Variants in MASP2 observed in about 807,000 individuals in gnomAD.
MASP2 encodes mannan-binding lectin serine protease 2.
MASP2 carries 49 observed loss-of-function variants against 57.1 expected under a neutral mutation model. That is an observed-to-expected ratio of 0.86 (90% CI 0.68 to 1.09). MASP2 has a LOEUF of 1.09. Among genes scored for constraint, MASP2 ranks in the 50% least tolerant of loss-of-function variants. The probability of loss-of-function intolerance (pLI) is 0.00; values close to 1 mark genes in which losing one functional copy is unlikely to be tolerated. For synonymous variants in MASP2, 379 were observed against 340.8 expected (o/e 1.11, Z -1.24); for missense variants, 900 against 874.8 (o/e 1.03, Z -0.36).
At chr1:11,031,325 C>T (rs1280779666) in intron 8 of MASP2, among the ~76,000 whole-genome samples, 1 of 151,576 alleles carries the variant, frequency 6.6e-6, no homozygotes, top group Non-Finnish European at 1.5e-5. Flanking sequence ...AGATGGAGAC[C>T]ATCCTGGCTA....
chr1:11,032,280 A>G (rs943880066), intron 8 of MASP2, among the ~76,000 whole-genome samples: 1 of 152,154 alleles, frequency 6.6e-6, no homozygotes, highest in Non-Finnish European at 1.5e-5. Flanking sequence ...TTGCTCACAC[A>G]TGTGAATTGT....
chr1:11,026,915 G>A lies in MASP2; in HGVS notation c.2031C>T (p.Pro677=), dbSNP rs1381182785. The change falls in exon 11 of 11, where the codon CCC becomes CCT. Residue 677 remains proline, a synonymous_variant. Transcript: ENST00000400897. Reference sequence around the variant, plus strand: ...AATCACTAATTATGTTCTCGATCCAGGGAATATAGTTAATAACTTTTGTGT... The same window carrying A: ...AATCACTAATTATGTTCTCGATCCAAGGAATATAGTTAATAACTTTTGTGT... ...GVYTKVINYI[P]WIENIISDF is the part of the protein sequence containing the mutation. 2.7e-6 allele frequency: 4 copies of A among 1,496,690 alleles called. No individual in the cohort carries two copies. In the African/African-American group the frequency reaches 5.6e-5, roughly 21 times the overall value. 92.7% of individuals were successfully genotyped at this position (1,496,690 alleles called of 1,614,324 possible). A position where few individuals can be genotyped will look rare whatever the true frequency, so the allele number is the denominator to read the frequency against.
chr1:11,028,072 A>G (rs948888283), intron 10 of MASP2, among the ~76,000 whole-genome samples: 3 of 152,106 alleles, frequency 2.0e-5, no homozygotes, highest in African/African-American at 7.2e-5. Flanking sequence ...ATACACAAAA[A>G]TTAGCCGGGC....
intron 8 of MASP2, among the ~76,000 whole-genome samples, chr1:11,033,965 ACTCTCT>A (rs796583650): frequency 8.3e-3 from 128 of 15,468 alleles, no homozygotes; most frequent in African/African-American, 0.02. Context: ...ACACACACAC[ACTCTCT>A]CTCTCTCTCT....
rs751612934 is a variant in MASP2, at chr1:11,030,839, C to T, written c.1131G>A (p.Val377=). The T allele has an allele frequency of 2.3e-5, 37 of 1,613,814 alleles. No individual in the cohort carries two copies. The highest frequency in any genetic ancestry group is 5.3e-5 in the African/African-American group (4 of 74,900). The change falls in exon 9 of 11, where the codon GTG becomes GTA. Residue 377 remains valine (V), a synonymous_variant. Transcript: ENST00000400897. ...TCACTCCAGGACCTGTGATGTACTCCACTCGGCCACTGGGTAGATCATCAG... is the reference window on the plus strand; with the variant it reads ...TCACTCCAGGACCTGTGATGTACTCTACTCGGCCACTGGGTAGATCATCAG... ...GPPDDLPSGR[V]EYITGPGVTT... is the part of the protein sequence containing the mutation.
chr1:11,034,468 C>T (rs1255763881), intron 8 of MASP2, among the ~76,000 whole-genome samples: 2 of 149,164 alleles, frequency 1.3e-5, no homozygotes, highest in Non-Finnish European at 3.0e-5. Context: ...GAGGCTGAGA[C>T]CGGTGGATCA....
chr1:11,037,517 C>A (rs1275625636), intron 7 of MASP2, among the ~76,000 whole-genome samples, 176 bp downstream of exon 7: 1 of 152,160 alleles, frequency 6.6e-6, no homozygotes, highest in Non-Finnish European at 1.5e-5. Context: ...TTTTCCATAG[C>A]CATCCTTTTT....
At chr1:11,045,248 G>A (rs751140377) in intron 4 of MASP2, 160 bp downstream of exon 4, 1 of 1,063,922 alleles carries the variant, frequency 9.4e-7, no homozygotes, top group East Asian at 2.5e-5. Flanking sequence ...TGCTGAGAGG[G>A]GAAGCAGGGC....
intron 5 of MASP2, 39 bp downstream of exon 5, chr1:11,043,300 G>A (rs1358137352): frequency 5.8e-6 from 9 of 1,550,960 alleles, no homozygotes; most frequent in South Asian, 1.2e-5. Flanking sequence ...GGGCTGAGGG[G>A]GAGGATCTGG....
intron 10 of MASP2, 113 bp from the exon 11 acceptor site, chr1:11,027,761 A>C (rs887865586): frequency 1.9e-5 from 22 of 1,151,130 alleles, no homozygotes; most frequent in Non-Finnish European, 2.5e-5. Flanking sequence ...ATTATATTAC[A>C]TGAATTGGTG....
chr1:11,043,512 T>A lies in MASP2; in HGVS notation c.568A>T (p.Thr190Ser), dbSNP rs754479594. Residue 190 changes from threonine to serine, a missense_variant, in exon 5 of 11, where the codon ACC becomes TCC. Physicochemically the swap from Thr to Ser is moderately conservative, Grantham distance 58. Transcript: ENST00000400897. ...CSALCSGQVF[T>S]QRSGELSSPE... ...CTGCTGAGCTCCCCAGACCTCTGGG[T>A]GAAGACCTGGCCGGAGCACAGGGCT... 1 of 1,604,250 alleles carries A rather than the reference T, an allele frequency of 6.2e-7. No individual in the cohort carries two copies.
At chr1:11,036,800 A>G (rs1015690131) in intron 7 of MASP2, among the ~76,000 whole-genome samples, 1 of 152,056 alleles carries the variant, frequency 6.6e-6, no homozygotes, top group Non-Finnish European at 1.5e-5. Flanking sequence ...AGCATTTTTT[A>G]AAATTATACT....
chr1:11,042,939 G>T lies in MASP2; in HGVS notation c.825C>A (p.Thr275=). 6.2e-7 allele frequency: 1 copy of T among 1,613,926 alleles called. No homozygotes were observed. The highest frequency in any genetic ancestry group is 1.7e-4 in the Middle Eastern group (1 of 6,060). ...HRIETKSNTV[T]ITFVTDESGD... ...CTGATTCATCTGTGACAAAGGTGAT[G>T]GTCACCGTGTTGCTTTTTGTTTCAA... Residue 275 remains threonine, a synonymous_variant, in exon 6 of 11, where the codon ACC becomes ACA. Coordinates refer to ENST00000400897, the MANE Select transcript of MASP2 (RefSeq NM_006610.4).
rs886045056 is a variant in MASP2, at chr1:11,047,044, G to A, written c.81C>T (p.Phe27=). 1.9e-5 allele frequency: 30 copies of A among 1,550,994 alleles called. No individual in the cohort carries two copies. The highest frequency in any genetic ancestry group is 4.9e-5 in the East Asian group (2 of 40,982). ...PLGPKWPEPV[F]GRLASPGFPG... ...GAAAGCCGGGGGATGCCAGGCGCCC[G>A]AACACAGGTTCAGGCCACTTCGGGC... Residue 27 remains phenylalanine (F), a synonymous_variant, in exon 2 of 11, where the codon TTC becomes TTT. Coordinates refer to ENST00000400897, the MANE Select transcript of MASP2 (RefSeq NM_006610.4).
intron 10 of MASP2, among the ~76,000 whole-genome samples, chr1:11,028,247 A>G (rs12031620): frequency 6.6e-6 from 1 of 152,132 alleles, no homozygotes; most frequent in African/African-American, 2.4e-5. Flanking sequence ...GAAAATTAAC[A>G]GGGCAAGCAG....
intron 8 of MASP2, among the ~76,000 whole-genome samples, chr1:11,033,281 T>C (rs947293080): frequency 1.3e-4 from 19 of 150,244 alleles, no homozygotes; most frequent in Non-Finnish European, 3.0e-5. Flanking sequence ...TGAGCCAAGA[T>C]CACGCCATTG....
chr1:11,043,984 G>T (rs536325852), intron 4 of MASP2, among the ~76,000 whole-genome samples: 1 of 152,056 alleles, frequency 6.6e-6, no homozygotes, highest in Admixed American at 6.5e-5. Flanking sequence ...CTGGGAATTC[G>T]GGAAAAGAGA....
rs573639567 is a variant in MASP2 at position 11,030,537 on chromosome 1, T to C, written c.1222+211A>G. ...AAACCATTTGGAATACATTGTGTGT[T>C]TGTAGTAGTCATTTACTAGATCTGT... is the stretch of plus-strand genomic sequence containing the variant. On this transcript the variant is annotated intron_variant, in intron 9 of 10. Coordinates refer to ENST00000400897, the MANE Select transcript of MASP2 (RefSeq NM_006610.4). 4 of 585,610 alleles carry C rather than the reference T, an allele frequency of 6.8e-6. No individual in the cohort carries two copies. In the Admixed American group the frequency reaches 1.4e-4, roughly 20 times the overall value. 36.3% of individuals were successfully genotyped at this position (585,610 alleles called of 1,614,324 possible). A position where few individuals can be genotyped will look rare whatever the true frequency, so the allele number is the denominator to read the frequency against.
chr1:11,030,504 G>C, intron 9 of MASP2: 2 of 573,418 alleles, frequency 3.5e-6, no homozygotes, highest in Non-Finnish European at 6.1e-6. Context: ...GTGTTGACTT[G>C]TTAAATTAAA....
Sources: gnomAD v4.1 joint callset for allele counts (sites outside exome capture counted in the v4.1 genomes callset) on GRCh38, gnomAD v4.1.1 for gene constraint, MANE v1.5 for transcripts, NCBI Gene and HGNC (gene_info 2026-07-23, HGNC 2026-07-21) for gene names.